PSPC1: variants seen among roughly 807,000 people sequenced by gnomAD.
The protein encoded by PSPC1 is paraspeckle protein 1.
Under a neutral mutation model 51.6 loss-of-function variants are expected in PSPC1, and 14 were observed. That is an observed-to-expected ratio of 0.27 (90% CI 0.18 to 0.42). The LOEUF is 0.42. Among genes scored for constraint, PSPC1 ranks in the 10% least tolerant of loss-of-function variants. The pLI, the probability that PSPC1 is intolerant of heterozygous loss-of-function variation, is 1.00. For synonymous variants in PSPC1, 193 were observed against 231.9 expected, an observed-to-expected ratio of 0.83 and a Z score of 1.53; for missense variants, 406 against 701.1, an observed-to-expected ratio of 0.58 and a Z score of 4.75.
intron 6 of PSPC1, among the ~76,000 whole-genome samples, chr13:19,683,686 GAAAT>G (rs1476723357): frequency 1.3e-4 from 20 of 151,970 alleles, no homozygotes; most frequent in African/African-American, 4.8e-4. Flanking sequence ...TCAACGTTGA[GAAAT>G]AAATACCTAA....
chr13:19,781,926 C>G (rs1307999065), intron 1 of PSPC1, among the ~76,000 whole-genome samples: 1 of 152,176 alleles, frequency 6.6e-6, no homozygotes, highest in African/African-American at 2.4e-5. Context: ...ACGTCTGGTC[C>G]GACTTAAGCT....
At chr13:19,742,922 C>T (rs375200560) in intron 4 of PSPC1, among the ~76,000 whole-genome samples, 5 of 836 alleles carry the variant, frequency 6.0e-3, no homozygotes, top group South Asian at 0.056. Context: ...CAATGTCTTA[C>T]GAAGAAGAGT....
At chr13:19,748,962 C>A (rs1349655313) in intron 4 of PSPC1, among the ~76,000 whole-genome samples, 1 of 151,902 alleles carries the variant, frequency 6.6e-6, no homozygotes, top group Non-Finnish European at 1.5e-5. Flanking sequence ...GTAATCCCAG[C>A]ACTATGGGAG....
At chr13:19,704,854 A>T (rs1225468531) in intron 8 of PSPC1, among the ~76,000 whole-genome samples, 2 of 152,226 alleles carry the variant, frequency 1.3e-5, no homozygotes, top group Non-Finnish European at 2.9e-5. Flanking sequence ...AATATAATTT[A>T]AAATTCTGTG....
At chr13:19,673,088 GTTTTTTTTTGTT>G (rs1451018448), downstream of PSPC1, 1 of 291,980 alleles carries the variant, frequency 3.4e-6, no homozygotes, top group African/African-American at 4.1e-5. Flanking sequence ...AACCTATACG[GTTTTTTTTTGTT>G]TTTTTTTTTT....
Position 19,728,570 on chromosome 13 carries a change from C to T in PSPC1, c.1158+1669G>A, listed in dbSNP as rs58060433. On this transcript the variant is annotated intron_variant, in intron 6 of 8. Coordinates refer to ENST00000338910, the MANE Select transcript of PSPC1 (RefSeq NM_001354909.2). The stretch of plus-strand genomic sequence containing the variant: ...ACTGCCAGAATGGCCTCAATGCATT[C>T]TTAATACAATGCTTTCCTATTAATA... Among the ~76,000 whole-genome samples, 1,469 of 152,110 alleles carry T rather than the reference C, an allele frequency of 9.7e-3. 23 individuals are homozygous for T. The highest frequency in any genetic ancestry group is 0.032 in the African/African-American group (1,316 of 41,476).
At chr13:19,682,542 C>A (rs1326500186) in intron 6 of PSPC1, among the ~76,000 whole-genome samples, 1 of 145,700 alleles carries the variant, frequency 6.9e-6, no homozygotes, top group South Asian at 2.1e-4. Context: ...CAGAAGTTAT[C>A]GGAAAATGTT....
chr13:19,749,733 G>A (rs1332529842), intron 4 of PSPC1, among the ~76,000 whole-genome samples: 1 of 151,274 alleles, frequency 6.6e-6, no homozygotes, highest in Non-Finnish European at 1.5e-5. Context: ...CCACCTCCTG[G>A]GTTCAAGTAA....
intron 6 of PSPC1, among the ~76,000 whole-genome samples, chr13:19,695,176 C>G (rs552807271): frequency 9.2e-5 from 14 of 152,224 alleles, no homozygotes; most frequent in African/African-American, 3.4e-4. Flanking sequence ...CAAGTAATTC[C>G]AAAATAATTC....
intron 4 of PSPC1, among the ~76,000 whole-genome samples, chr13:19,742,320 T>C (rs1445151448): frequency 6.7e-6 from 1 of 148,550 alleles, no homozygotes; most frequent in Admixed American, 6.7e-5. Context: ...GTCAAGAAAT[T>C]AAAATAGGTA....
chr13:19,781,036 A>G (rs1316052209), intron 1 of PSPC1, among the ~76,000 whole-genome samples: 14 of 151,600 alleles, frequency 9.2e-5, no homozygotes, highest in Non-Finnish European at 1.3e-4. Flanking sequence ...GCGTGACTGT[A>G]GTCCCCGTCC....
intron 6 of PSPC1, among the ~76,000 whole-genome samples, chr13:19,728,954 G>GA (rs1228624065): frequency 1.3e-5 from 2 of 151,920 alleles, no homozygotes; most frequent in Admixed American, 6.6e-5. Context: ...AAAAAGGTCA[G>GA]AAAAAAATAT....
At chr13:19,728,485 C>CACACACACACACAG (rs1883643925) in intron 6 of PSPC1, among the ~76,000 whole-genome samples, 2 of 132,832 alleles carry the variant, frequency 1.5e-5, no homozygotes, top group Admixed American at 1.6e-4. Context: ...CACACACACA[C>CACACACACACACAG]AGCATTAAAA....
At chr13:19,724,460 A>T (rs1283014900) in intron 6 of PSPC1, among the ~76,000 whole-genome samples, 3 of 152,358 alleles carry the variant, frequency 2.0e-5, no homozygotes, top group East Asian at 1.9e-4. Context: ...AGAGGCAGGA[A>T]AAGAGGCTGA....
chr13:19,721,616 G>C lies in PSPC1; in HGVS notation c.1158+8623C>G, dbSNP rs376777642. Among the ~76,000 whole-genome samples, 197 of 152,242 alleles carry C rather than the reference G, an allele frequency of 1.3e-3. 1 individual carries two copies. The highest frequency in any genetic ancestry group is 4.5e-3 in the African/African-American group (185 of 41,532). On this transcript the variant is annotated intron_variant, in intron 6 of 8. Transcript: ENST00000338910. The stretch of plus-strand genomic sequence containing the variant: ...TTTTCTAAATTCTCAGAACGTTTGA[G>C]CTGTTTCTTTTAACATTACTCTGTA...
rs1009743027 is a variant in PSPC1, at chr13:19,768,458, T to C, written c.674+3784A>G. Among the ~76,000 whole-genome samples the C allele has an allele frequency of 3.9e-4, 59 of 150,596 alleles. 4 individuals carry two copies. The highest frequency in any genetic ancestry group is 1.4e-3 in the African/African-American group (58 of 40,766). ...GTCAGGATATCGAGACCATCCTGGC[T>C]AACATGTGAAACCCTGTCTCTACTA... On this transcript the variant is annotated intron_variant, in intron 2 of 8. Coordinates refer to ENST00000338910, the MANE Select transcript of PSPC1 (RefSeq NM_001354909.2).
intron 6 of PSPC1, among the ~76,000 whole-genome samples, chr13:19,724,385 G>A (rs1470905051): frequency 6.6e-6 from 1 of 152,034 alleles, no homozygotes; most frequent in African/African-American, 2.4e-5. Flanking sequence ...GGGAAAGTTA[G>A]GTTATGATTA....
At chr13:19,769,522 C>T (rs1446573203) in intron 2 of PSPC1, among the ~76,000 whole-genome samples, 2 of 152,080 alleles carry the variant, frequency 1.3e-5, no homozygotes, top group African/African-American at 2.4e-5. Context: ...CACTGCACTC[C>T]GGCCTGGGGG....
At chr13:19,779,351 G>A (rs1220019887) in intron 1 of PSPC1, among the ~76,000 whole-genome samples, 19 of 114,058 alleles carry the variant, frequency 1.7e-4, no homozygotes, top group African/African-American at 1.3e-4. Flanking sequence ...CCCCCCGCCC[G>A]GCCAGCCGTG....
Sources: allele counts gnomAD v4.1 joint callset (sites outside exome capture counted in the v4.1 genomes callset), GRCh38; gene constraint gnomAD v4.1.1; transcripts MANE v1.5; gene names NCBI Gene and HGNC (gene_info 2026-07-23, HGNC 2026-07-21).